The following COG5 variants were observed in gnomAD, a reference collection of about 807,000 sequenced individuals.
COG5 encodes component of oligomeric golgi complex 5.
A neutral mutation model predicts 110.4 loss-of-function variants in COG5; 86 were observed. The ratio of observed to expected loss-of-function variants is 0.78; its 90% CI spans 0.65 to 0.93. COG5 has a LOEUF of 0.93. Ranked by LOEUF, COG5 falls within the 40% of genes least tolerant of loss-of-function variation. The pLI is 0.00. For missense variants in COG5, 1,077 were observed against 987.0 expected (o/e 1.09, Z -1.22); for synonymous variants, 360 against 334.6 (o/e 1.08, Z -0.83).
chr7:107,204,249 C>T (rs75932578), intron 21 of COG5, among the ~76,000 whole-genome samples: 22,899 of 152,182 alleles, frequency 0.15, 2,157 homozygotes, highest in Non-Finnish European at 0.21. Flanking sequence ...GGTTAGCAAA[C>T]TGCCTGCAGG....
intron 10 of COG5, among the ~76,000 whole-genome samples, chr7:107,333,130 A>G (rs1213189837): frequency 6.6e-6 from 1 of 152,202 alleles, no homozygotes; most frequent in African/African-American, 2.4e-5. Context: ...ATCTCTGCGG[A>G]TAAATCATGT....
At chr7:107,561,808 C>G (rs1327776855) in intron 1 of COG5, among the ~76,000 whole-genome samples, 1 of 152,132 alleles carries the variant, frequency 6.6e-6, no homozygotes, top group Non-Finnish European at 1.5e-5. Context: ...AACCCCGTCT[C>G]TACTAAAAAT....
chr7:107,253,496 A>G (rs1487278273), intron 16 of COG5, among the ~76,000 whole-genome samples: 2 of 152,144 alleles, frequency 1.3e-5, no homozygotes, highest in Admixed American at 1.3e-4. Flanking sequence ...TGGCAATGTA[A>G]TCACTATCTG....
At chr7:107,355,776 C>T (rs1278806611) in intron 10 of COG5, among the ~76,000 whole-genome samples, 1 of 152,098 alleles carries the variant, frequency 6.6e-6, no homozygotes, top group Non-Finnish European at 1.5e-5. Context: ...GAAGGGAATT[C>T]AAGTAGGAAT....
intron 19 of COG5, among the ~76,000 whole-genome samples, chr7:107,221,405 C>T (rs1799917001): frequency 6.6e-6 from 1 of 152,084 alleles, no homozygotes; most frequent in African/African-American, 2.4e-5. Flanking sequence ...TCTCTTAGTA[C>T]TTCCCGTATG....
intron 14 of COG5, among the ~76,000 whole-genome samples, chr7:107,259,596 G>A (rs143031358): frequency 6.6e-6 from 1 of 151,802 alleles, no homozygotes; most frequent in Admixed American, 6.6e-5. Flanking sequence ...GGGCAGGGGG[G>A]GTCAAATGCT....
intron 6 of COG5, among the ~76,000 whole-genome samples, chr7:107,517,304 G>GA (rs1045625186): frequency 1.6e-4 from 24 of 149,104 alleles, no homozygotes; most frequent in Admixed American, 6.0e-4. Flanking sequence ...AAAAAAGAAT[G>GA]AAAAAAAAAT....
At chr7:107,523,873 G>A (rs1800528962) in intron 6 of COG5, among the ~76,000 whole-genome samples, 2 of 151,700 alleles carry the variant, frequency 1.3e-5, no homozygotes, top group South Asian at 4.2e-4. Context: ...AATAATCTTG[G>A]CAATTTTTTA....
At chr7:107,411,167 A>C (rs1159395238) in intron 7 of COG5, among the ~76,000 whole-genome samples, 1 of 152,212 alleles carries the variant, frequency 6.6e-6, no homozygotes, top group African/African-American at 2.4e-5. Flanking sequence ...ATCCCAAAGA[A>C]GGCATAATTC....
intron 10 of COG5, among the ~76,000 whole-genome samples, chr7:107,334,614 C>G (rs62482499): frequency 0.26 from 38,675 of 151,438 alleles, 4,937 homozygotes; most frequent in East Asian, 0.33. Context: ...CCACACAGGC[C>G]AGGAGAGAGT....
intron 6 of COG5, among the ~76,000 whole-genome samples, chr7:107,492,238 TTC>T (rs1798018777): frequency 6.6e-6 from 1 of 150,982 alleles, no homozygotes; most frequent in South Asian, 2.1e-4. Flanking sequence ...TCTAATGTCT[TTC>T]TAGAGAAGAG....
intron 14 of COG5, among the ~76,000 whole-genome samples, chr7:107,274,503 C>T (rs1271164665): frequency 1.3e-5 from 2 of 151,952 alleles, no homozygotes; most frequent in African/African-American, 4.8e-5. Flanking sequence ...CTCCTGTGCC[C>T]CGTCTTCACC....
intron 5 of COG5, among the ~76,000 whole-genome samples, chr7:107,532,390 C>T (rs1801277979): frequency 6.6e-6 from 1 of 152,094 alleles, no homozygotes; most frequent in African/African-American, 2.4e-5. Context: ...ATTCACAGAA[C>T]TAGGTTTGTT....
chr7:107,420,118 A>G (rs1379315777), intron 6 of COG5, among the ~76,000 whole-genome samples: 1 of 152,234 alleles, frequency 6.6e-6, no homozygotes, highest in African/African-American at 2.4e-5. Flanking sequence ...TCAGAGGCCA[A>G]ATATTACATG....
chr7:107,454,557 A>G (rs1795545243), intron 6 of COG5, among the ~76,000 whole-genome samples: 1 of 152,190 alleles, frequency 6.6e-6, no homozygotes. Context: ...TGTGTTTCTT[A>G]GTATAAGGAT....
intron 10 of COG5, among the ~76,000 whole-genome samples, chr7:107,344,448 G>C (rs948631229): frequency 6.6e-6 from 1 of 152,196 alleles, no homozygotes; most frequent in Admixed American, 6.5e-5. Flanking sequence ...TTAGCTTAAA[G>C]GAAGGTTGTG....
intron 5 of COG5, among the ~76,000 whole-genome samples, chr7:107,540,890 C>T (rs1801931808): frequency 6.6e-6 from 1 of 151,986 alleles, no homozygotes; most frequent in Admixed American, 6.5e-5. Flanking sequence ...GTGGCTCATG[C>T]CTATAATCCC....
Position 107,442,754 on chromosome 7 carries a change from G to A in COG5, c.539-30122C>T, listed in dbSNP as rs112379619. 6.8e-3 allele frequency among the ~76,000 whole-genome samples: 1,024 copies of A among 151,642 alleles called. 5 individuals are homozygous for A. Among genetic ancestry groups the A allele is most frequent in the Non-Finnish European group, 8.2e-3 (557 of 67,968 alleles). On this transcript the variant is annotated intron_variant, in intron 6 of 21. Transcript: ENST00000297135. ...GGGTAGATGGCAGACCCAATAATAC[G>A]CTATAATAGATGTGTTTCAGAGAAT...
At chr7:107,554,368 C>G (rs758120883) in intron 2 of COG5, 26 bp from the exon 3 acceptor site, 1 of 1,605,196 alleles carries the variant, frequency 6.2e-7, no homozygotes, top group African/African-American at 1.3e-5. Flanking sequence ...AAATGATTAG[C>G]TTTTGCTCTG....
Sources: gnomAD v4.1 joint callset for allele counts (sites outside exome capture counted in the v4.1 genomes callset) on GRCh38, gnomAD v4.1.1 for gene constraint, MANE v1.5 for transcripts, NCBI Gene and HGNC (gene_info 2026-07-23, HGNC 2026-07-21) for gene names.